The following PTPN4 variants were observed in gnomAD, a reference collection of about 807,000 sequenced individuals.
The protein encoded by PTPN4 is tyrosine-protein phosphatase non-receptor type 4.
A neutral mutation model predicts 135.5 loss-of-function variants in PTPN4; 49 were observed. The observed-to-expected ratio is 0.36, with a 90% CI of 0.29 to 0.46. The LOEUF is 0.46. PTPN4 is among the 20% of genes least tolerant of loss of function. PTPN4 has a pLI of 1.00. For missense variants in PTPN4, 860 were observed against 1,101.0 expected (o/e 0.78, Z 3.10); for synonymous variants, 333 against 369.9 (o/e 0.90, Z 1.14).
chr2:119,876,825 T>C, intron 3 of PTPN4, among the ~76,000 whole-genome samples: 1 of 152,070 alleles, frequency 6.6e-6, no homozygotes, highest in East Asian at 1.9e-4. Flanking sequence ...GCAAATGTTA[T>C]AAAATTTCTC....
At chr2:119,864,917 G>C (rs530447680) in intron 3 of PTPN4, among the ~76,000 whole-genome samples, 5 of 152,106 alleles carry the variant, frequency 3.3e-5, no homozygotes, top group African/African-American at 1.2e-4. Context: ...AGAAAAGTTA[G>C]AATCATAGAA....
intron 22 of PTPN4, among the ~76,000 whole-genome samples, chr2:119,958,725 A>G (rs1322762167): frequency 6.6e-6 from 1 of 152,236 alleles, no homozygotes; most frequent in African/African-American, 2.4e-5. Flanking sequence ...TTAGCTGATC[A>G]ATACATACTG....
intron 11 of PTPN4, 89 bp from the exon 12 acceptor site, chr2:119,919,980 A>G: frequency 1.3e-6 from 2 of 1,485,094 alleles, no homozygotes; most frequent in Non-Finnish European, 8.9e-7. Context: ...TTACAAGGCT[A>G]GAATAATTTA....
intron 2 of PTPN4, among the ~76,000 whole-genome samples, chr2:119,842,694 CA>C (rs1677399278): frequency 6.6e-6 from 1 of 152,058 alleles, no homozygotes; most frequent in African/African-American, 2.4e-5. Context: ...CAGGATGTTA[CA>C]AATATAGTAC....
In PTPN4 at chr2:119,793,846, G is replaced by GTTTTTTTTTTTT. The variant is rs55956611; in HGVS notation, c.-17-15973_-17-15962dup. ...AGTTTGTTTATTTGTTTCATTTTTA[G>GTTTTTTTTTTTT]TTTTTTTTTTTTTTTTTTTTTTTTT... is the stretch of plus-strand genomic sequence containing the variant. On this transcript the variant is annotated intron_variant, in intron 1 of 26. Transcript: ENST00000263708. Among the ~76,000 whole-genome samples, 10 of 24,800 alleles carry GTTTTTTTTTTTT rather than the reference G, an allele frequency of 4.0e-4. 1 individual carries two copies. Among genetic ancestry groups the GTTTTTTTTTTTT allele is most frequent in the Admixed American group, 1.8e-3 (2 of 1,138 alleles). The allele number at this position is 24,800 out of a possible 152,430, so 16.3% of individuals were successfully genotyped here. A position where few individuals can be genotyped will look rare whatever the true frequency, so the allele number is the denominator to read the frequency against.
At chr2:119,964,097 G>A (rs1679410728) in intron 24 of PTPN4, among the ~76,000 whole-genome samples, 1 of 152,072 alleles carries the variant, frequency 6.6e-6, no homozygotes, top group African/African-American at 2.4e-5. Flanking sequence ...TACTCTTCAG[G>A]AAGCTCTCTT....
At chr2:119,958,108 A>T (rs1679314448) in intron 22 of PTPN4, among the ~76,000 whole-genome samples, 2 of 152,110 alleles carry the variant, frequency 1.3e-5, no homozygotes, top group African/African-American at 2.4e-5. Context: ...AGAGCTTCAT[A>T]AATGAATAAG....
intron 3 of PTPN4, 132 bp downstream of exon 3, chr2:119,862,775 C>A (rs1677779660): frequency 3.4e-6 from 2 of 587,018 alleles, no homozygotes; most frequent in Non-Finnish European, 5.5e-6. Flanking sequence ...AGAGGTAATT[C>A]TTTTGCTTTT....
At chr2:119,953,725 T>C (rs1679240648) in intron 19 of PTPN4, among the ~76,000 whole-genome samples, 2 of 152,222 alleles carry the variant, frequency 1.3e-5, no homozygotes, top group African/African-American at 4.8e-5. Flanking sequence ...TATTTTCATT[T>C]AATCCTCATA....
intron 13 of PTPN4, among the ~76,000 whole-genome samples, chr2:119,930,929 C>T (rs960904845): frequency 6.6e-6 from 1 of 151,490 alleles, no homozygotes; most frequent in Non-Finnish European, 1.5e-5. Context: ...ACCTGCAATT[C>T]TTTATCAATA....
chr2:119,845,910 A>G (rs1677491790), intron 2 of PTPN4, among the ~76,000 whole-genome samples: 2 of 152,032 alleles, frequency 1.3e-5, no homozygotes, highest in South Asian at 4.1e-4. Flanking sequence ...ATATCGAAGT[A>G]TTTTCTAATT....
Position 119,855,188 on chromosome 2 carries a change from C to A in PTPN4, c.139-7348C>A, listed in dbSNP as rs148503644. Among the ~76,000 whole-genome samples the A allele has an allele frequency of 9.9e-5, 15 of 152,184 alleles. No homozygotes were observed. The East Asian group carries it at 2.9e-3, about 29-fold the overall frequency. On this transcript the variant is annotated intron_variant, in intron 2 of 26. Coordinates refer to ENST00000263708, the MANE Select transcript of PTPN4 (RefSeq NM_002830.4). ...CACGTGCATGTCCTCCCCAGTCTAC[C>A]CTTTCAGTTAAATCTCCATACAAGG...
intron 1 of PTPN4, among the ~76,000 whole-genome samples, chr2:119,778,828 C>T (rs950223451): frequency 1.3e-5 from 2 of 152,138 alleles, no homozygotes; most frequent in African/African-American, 4.8e-5. Flanking sequence ...TTTGAAAATG[C>T]TGTCTGTACA....
intron 13 of PTPN4, among the ~76,000 whole-genome samples, chr2:119,929,060 G>A (rs565609407): frequency 1.3e-5 from 2 of 152,192 alleles, no homozygotes; most frequent in Admixed American, 6.5e-5. Flanking sequence ...TCCGTGAATA[G>A]TAGAGGTAAA....
chr2:119,831,642 A>G (rs1677221490), intron 2 of PTPN4, among the ~76,000 whole-genome samples: 1 of 152,150 alleles, frequency 6.6e-6, no homozygotes, highest in Admixed American at 6.5e-5. Context: ...TTTAGCTCTG[A>G]AATCTATTTT....
At chr2:119,802,371 A>T (rs775652089) in intron 1 of PTPN4, among the ~76,000 whole-genome samples, 1 of 152,080 alleles carries the variant, frequency 6.6e-6, no homozygotes. Flanking sequence ...GCTTTTTATT[A>T]TGTTGAAGAA....
chr2:119,967,232 G>A (rs974865809), intron 25 of PTPN4, among the ~76,000 whole-genome samples: 18 of 152,296 alleles, frequency 1.2e-4, no homozygotes, highest in African/African-American at 4.1e-4. Flanking sequence ...GATCACCTGA[G>A]GTCAGGAGTT....
At chr2:119,864,173 C>G (rs1231582506) in intron 3 of PTPN4, among the ~76,000 whole-genome samples, 1 of 152,038 alleles carries the variant, frequency 6.6e-6, no homozygotes, top group African/African-American at 2.4e-5. Flanking sequence ...CATTGGTTAG[C>G]GATTGGCTAT....
chr2:119,837,553 A>G (rs1258176476), intron 2 of PTPN4, among the ~76,000 whole-genome samples: 1 of 152,190 alleles, frequency 6.6e-6, no homozygotes, highest in Non-Finnish European at 1.5e-5. Flanking sequence ...TGGAGGGAGG[A>G]CAAGAACTCT....
Sources: allele counts gnomAD v4.1 joint callset (sites outside exome capture counted in the v4.1 genomes callset), GRCh38; gene constraint gnomAD v4.1.1; transcripts MANE v1.5; gene names NCBI Gene and HGNC (gene_info 2026-07-23, HGNC 2026-07-21).